The following PACRG variants were observed in gnomAD, a reference collection of about 807,000 sequenced individuals.
PACRG encodes the protein parkin coregulated gene protein.
In PACRG, 29 loss-of-function variants were observed where a neutral mutation model predicts 29.7. That is an observed-to-expected ratio of 0.98 (90% CI 0.73 to 1.33). PACRG has a LOEUF of 1.33. PACRG is among the 40% of genes most tolerant of loss of function. The probability of loss-of-function intolerance (pLI) is 0.00; values close to 1 mark genes in which losing one functional copy is unlikely to be tolerated. For missense variants in PACRG, 279 were observed against 316.2 expected (o/e 0.88, Z 0.89); for synonymous variants, 116 against 118.7 (o/e 0.98, Z 0.15).
At chr6:162,871,671 C>G (rs1224698984) in intron 2 of PACRG, among the ~76,000 whole-genome samples, 2 of 152,126 alleles carry the variant, frequency 1.3e-5, no homozygotes, top group Non-Finnish European at 2.9e-5. Context: ...GTAATCCCAG[C>G]ACTTTGGGAG....
chr6:163,148,948 G>A (rs1038901720), intron 4 of PACRG, among the ~76,000 whole-genome samples: 3 of 126,044 alleles, frequency 2.4e-5, no homozygotes, highest in African/African-American at 8.8e-5. Context: ...AGGGTTTTGT[G>A]AAAAATCTAT....
intron 4 of PACRG, among the ~76,000 whole-genome samples, chr6:163,286,980 G>T (rs1432285339): frequency 6.6e-6 from 1 of 151,840 alleles, no homozygotes; most frequent in Non-Finnish European, 1.5e-5. Flanking sequence ...ATATGTGTTT[G>T]TGTATCTGTA....
At chr6:162,730,475 A>G (rs2128247255) in intron 1 of PACRG, among the ~76,000 whole-genome samples, 1 of 152,266 alleles carries the variant, frequency 6.6e-6, no homozygotes, top group Non-Finnish European at 1.5e-5. Context: ...ATGCTCTTCC[A>G]CCTAAAACAT....
intron 2 of PACRG, among the ~76,000 whole-genome samples, chr6:162,896,531 A>G (rs1795178379): frequency 6.6e-6 from 1 of 152,224 alleles, no homozygotes; most frequent in African/African-American, 2.4e-5. Flanking sequence ...AATCCGTGGT[A>G]AAATCTTGGA....
intron 4 of PACRG, among the ~76,000 whole-genome samples, chr6:163,221,785 C>T (rs1781589073): frequency 6.6e-6 from 1 of 152,184 alleles, no homozygotes. Flanking sequence ...CATTCGCTCA[C>T]TGTTGACAGC....
intron 4 of PACRG, among the ~76,000 whole-genome samples, chr6:163,302,568 T>G (rs1263674767): frequency 2.0e-5 from 3 of 152,236 alleles, no homozygotes; most frequent in African/African-American, 7.2e-5. Flanking sequence ...GATTTGTTCA[T>G]TAAATGTATT....
intron 2 of PACRG, chr6:163,053,813 A>G (rs1029082419): frequency 6.6e-6 from 1 of 152,152 alleles, no homozygotes; most frequent in Non-Finnish European, 1.5e-5. Context: ...AGGCACAGCC[A>G]CTCATCATCT....
intron 2 of PACRG, among the ~76,000 whole-genome samples, chr6:163,061,318 G>A (rs930268086): frequency 6.6e-6 from 1 of 152,174 alleles, no homozygotes; most frequent in African/African-American, 2.4e-5. Context: ...GAGGGCTCAA[G>A]CAAGACCAAA....
intron 2 of PACRG, chr6:162,892,010 G>A (rs1380887890): frequency 6.6e-6 from 1 of 152,360 alleles, no homozygotes; most frequent in Admixed American, 6.5e-5. Context: ...GGTGTCTCAG[G>A]AGGCCACACT....
intron 2 of PACRG, among the ~76,000 whole-genome samples, chr6:162,933,438 T>C (rs1240108644): frequency 6.6e-6 from 1 of 152,154 alleles, no homozygotes; most frequent in Non-Finnish European, 1.5e-5. Flanking sequence ...AAGTGGGGTA[T>C]TGAAGTCCCC....
chr6:163,169,893 G>T (rs1189618442), intron 4 of PACRG, among the ~76,000 whole-genome samples: 1 of 152,182 alleles, frequency 6.6e-6, no homozygotes, highest in Non-Finnish European at 1.5e-5. Flanking sequence ...CAGCAAGATC[G>T]GTTTCTCATG....
At chr6:163,311,660 C>T (rs1212890956) in intron 4 of PACRG, among the ~76,000 whole-genome samples, 1 of 152,126 alleles carries the variant, frequency 6.6e-6, no homozygotes, top group African/African-American at 2.4e-5. Flanking sequence ...TTTTTTCTAC[C>T]CCAATGATAC....
At chr6:162,846,346 T>G (rs1790377921) in intron 2 of PACRG, among the ~76,000 whole-genome samples, 2 of 152,294 alleles carry the variant, frequency 1.3e-5, no homozygotes, top group South Asian at 4.1e-4. Flanking sequence ...ATACGGGAAG[T>G]GCATTCTCAT....
At position 163,290,278 on chromosome 6, in the gene PACRG, G is replaced by GCACACACACACACA. The variant is rs3064946; in HGVS notation, c.614-24516_614-24503dup. Among the ~76,000 whole-genome samples, 12 of 114,564 alleles carry GCACACACACACACA rather than the reference G, an allele frequency of 1.0e-4. No individual in the cohort carries two copies. In the East Asian group the frequency reaches 1.4e-3, roughly 14 times the overall value. 75.2% of individuals were successfully genotyped at this position (114,564 alleles called of 152,430 possible). The stretch of plus-strand genomic sequence containing the variant: ...CATGTGCGCATGCACGCGCGCGCGC[G>GCACACACACACACA]CACACACACACACACACACACACAC... On this transcript the variant is annotated intron_variant, in intron 4 of 4. Transcript: ENST00000366888.
intron 2 of PACRG, among the ~76,000 whole-genome samples, chr6:162,815,471 A>G (rs576914584): frequency 1.3e-5 from 2 of 150,942 alleles, no homozygotes; most frequent in South Asian, 2.1e-4. Context: ...CAGTCATCCA[A>G]TATCAGTTAT....
intron 4 of PACRG, among the ~76,000 whole-genome samples, chr6:163,290,653 G>GTTAC (rs1180104611): frequency 2.0e-5 from 3 of 152,212 alleles, no homozygotes; most frequent in Non-Finnish European, 4.4e-5. Context: ...TCACAGTTGA[G>GTTAC]TTACTAAGAT....
chr6:163,071,057 T>G (rs1811999425), intron 3 of PACRG, among the ~76,000 whole-genome samples: 1 of 152,030 alleles, frequency 6.6e-6, no homozygotes, highest in Non-Finnish European at 1.5e-5. Flanking sequence ...CAAATATTAT[T>G]AGAGCTAAAG....
intron 3 of PACRG, among the ~76,000 whole-genome samples, chr6:163,068,168 G>A (rs1811719518): frequency 6.6e-6 from 1 of 151,996 alleles, no homozygotes; most frequent in South Asian, 2.1e-4. Context: ...TCTTTGTCTT[G>A]TTTTCCTCAT....
At chr6:163,153,779 G>T (rs1280536338) in intron 4 of PACRG, among the ~76,000 whole-genome samples, 1 of 152,210 alleles carries the variant, frequency 6.6e-6, no homozygotes, top group African/African-American at 2.4e-5. Context: ...TGATAAGTGA[G>T]AACAGTACAA....
Sources: gnomAD v4.1 joint callset for allele counts (sites outside exome capture counted in the v4.1 genomes callset) on GRCh38, gnomAD v4.1.1 for gene constraint, MANE v1.5 for transcripts, NCBI Gene and HGNC (gene_info 2026-07-23, HGNC 2026-07-21) for gene names.